Variants in DGKG observed in about 807,000 individuals in gnomAD.
The protein encoded by DGKG is diacylglycerol kinase gamma, also known as DAG kinase gamma.
Under a neutral mutation model 105.3 loss-of-function variants are expected in DGKG, and 78 were observed. The ratio of observed to expected loss-of-function variants is 0.74; its 90% CI spans 0.62 to 0.89. The LOEUF (loss-of-function observed/expected upper bound fraction) is 0.89. DGKG is among the 40% of genes least tolerant of loss of function. DGKG has a pLI of 0.00. For synonymous variants in DGKG, 346 were observed against 367.1 expected (o/e 0.94, Z 0.66); for missense variants, 958 against 1,020.1 (o/e 0.94, Z 0.83).
chr3:186,163,265 C>G (rs79410308), intron 23 of DGKG, among the ~76,000 whole-genome samples: 2,247 of 152,188 alleles, frequency 0.015, 59 homozygotes, highest in African/African-American at 0.052. Context: ...TCAAGCTTCC[C>G]AAAGTGTTGG....
rs1473455664 is a variant in DGKG, at chr3:186,151,502, T to C, written c.2278-1314A>G. Among the ~76,000 whole-genome samples the C allele has an allele frequency of 2.0e-5, 3 of 151,760 alleles. 1 individual carries two copies. Among genetic ancestry groups the C allele is most frequent in the South Asian group, 4.2e-4 (2 of 4,802 alleles). ...TAAAATCTGAAGGAAGGAAAGGAAA[T>C]GTGTTGATGAAAAGGGAGTGGGTAG... On this transcript the variant is annotated intron_variant, in intron 24 of 24. Transcript: ENST00000265022.
At chr3:186,192,298 C>T (rs546695178) in intron 21 of DGKG, among the ~76,000 whole-genome samples, 29 of 152,260 alleles carry the variant, frequency 1.9e-4, no homozygotes, top group Admixed American at 8.5e-4. Flanking sequence ...GGTGAGCCAC[C>T]GGGCCTGGCC....
chr3:186,177,540 G>T (rs983793647), intron 22 of DGKG, among the ~76,000 whole-genome samples: 2 of 152,190 alleles, frequency 1.3e-5, no homozygotes, highest in Non-Finnish European at 2.9e-5. Flanking sequence ...ACTCCATGGT[G>T]CTTGCTCATT....
chr3:186,337,442 AC>A (rs1725883747), intron 1 of DGKG, among the ~76,000 whole-genome samples: 1 of 152,202 alleles, frequency 6.6e-6, no homozygotes, highest in Non-Finnish European at 1.5e-5. Flanking sequence ...ACCTTTAAGC[AC>A]ATCAGAAGGT....
chr3:186,161,899 G>GTT (rs1292102647), intron 23 of DGKG, among the ~76,000 whole-genome samples: 2 of 152,102 alleles, frequency 1.3e-5, no homozygotes, highest in African/African-American at 2.4e-5. Context: ...GTGTGTGTGT[G>GTT]TGTGTGTGTT....
At chr3:186,280,786 C>A in intron 7 of DGKG, 42 bp from the exon 8 acceptor site, 2 of 1,546,704 alleles carry the variant, frequency 1.3e-6, no homozygotes, top group South Asian at 2.2e-5. Context: ...AGGAGACAAC[C>A]AGAGATGTGT....
At chr3:186,310,555 C>T (rs1724491290) in intron 2 of DGKG, among the ~76,000 whole-genome samples, 1 of 152,154 alleles carries the variant, frequency 6.6e-6, no homozygotes, top group African/African-American at 2.4e-5. Flanking sequence ...AGGTATTATG[C>T]ATGACTAATC....
chr3:186,160,582 A>G, intron 24 of DGKG: 2 of 985,420 alleles, frequency 2.0e-6, no homozygotes, highest in Non-Finnish European at 2.4e-6. Flanking sequence ...CAGCAGGTTC[A>G]TGGAAACCTT....
intron 5 of DGKG, among the ~76,000 whole-genome samples, chr3:186,291,052 G>A (rs1394179499): frequency 6.6e-6 from 1 of 152,196 alleles, no homozygotes; most frequent in Non-Finnish European, 1.5e-5. Context: ...GTCCAGTGAA[G>A]CTTAAAAGAT....
intron 10 of DGKG, among the ~76,000 whole-genome samples, chr3:186,272,822 G>A (rs1381823779): frequency 1.3e-5 from 2 of 152,106 alleles, no homozygotes; most frequent in African/African-American, 2.4e-5. Context: ...GGGTTCAAGC[G>A]ATTCTCCTGC....
chr3:186,218,955 C>G (rs985519938), intron 20 of DGKG, among the ~76,000 whole-genome samples: 1 of 151,928 alleles, frequency 6.6e-6, no homozygotes, highest in African/African-American at 2.4e-5. Context: ...CATTGGATTA[C>G]TAAGGTAAAT....
rs539214243 is a variant in DGKG at position 186,275,600 on chromosome 3, T to C, written c.857A>G (p.Asn286Ser). ...GCCCATGAGCATGATATGGCAGAAG[T>C]TGCAGTAGGTTGGTTTCTTGAAGTG... The part of the protein sequence containing the change: ...MKHFKKPTYC[N>S]FCHIMLMGVR... The change falls in exon 10 of 25, where the codon AAC becomes AGC. Residue 286 changes from asparagine (N) to serine (S), a missense_variant. By Grantham distance (46) the Asn-to-Ser change is conservative (BLOSUM62 1). This residue lies in a region of DGKG where 643 missense variants were observed against 619.5 expected (regional missense o/e 1.04). Transcript: ENST00000265022. The C allele has an allele frequency of 1.9e-6, 3 of 1,614,136 alleles. No homozygotes were observed. The Admixed American group carries it at 5.0e-5, about 27-fold the overall frequency.
chr3:186,267,917 CGT>C (rs145318120), intron 12 of DGKG, 140 bp from the exon 13 acceptor site: 2,906 of 680,462 alleles, frequency 4.3e-3, no homozygotes, highest in East Asian at 5.0e-3. Context: ...ACAGTATTGC[CGT>C]GTGTGTGTGT....
chr3:186,254,076 A>T (rs1721347295), intron 17 of DGKG, among the ~76,000 whole-genome samples: 1 of 152,188 alleles, frequency 6.6e-6, no homozygotes, highest in Non-Finnish European at 1.5e-5. Context: ...ACATGTTTTC[A>T]TCTGGCCTCA....
chr3:186,288,059 TCAG>T (rs1443073518), intron 6 of DGKG, among the ~76,000 whole-genome samples: 1 of 152,214 alleles, frequency 6.6e-6, no homozygotes, highest in African/African-American at 2.4e-5. Context: ...GCAGGCTGTT[TCAG>T]CCACTGTGAA....
At chr3:186,192,586 A>G (rs1283978701) in intron 21 of DGKG, among the ~76,000 whole-genome samples, 1 of 152,152 alleles carries the variant, frequency 6.6e-6, no homozygotes, top group Non-Finnish European at 1.5e-5. Flanking sequence ...TTAGGGGTTA[A>G]GATGCTTGCT....
Position 186,150,187 on chromosome 3 carries a change from A to T in DGKG, c.2279T>A (p.Ile760Asn). Reference protein sequence around the residue: ...GEPWMQPCCTIKITHKNQAPM... With the variant: ...GEPWMQPCCTNKITHKNQAPM... ...CGCTTGGTTCTTGTGAGTAATTTTA[A>T]TCTAAAAGCAAAGAGGCAGAAATGA... is the stretch of plus-strand genomic sequence containing the variant. The change falls in exon 25 of 25, where the codon ATT becomes AAT. Residue 760 changes from isoleucine (I) to asparagine (N), a missense_variant and splice_region_variant. This residue lies in a region of DGKG where 315 missense variants were observed against 400.6 expected (regional missense o/e 0.79). Transcript: ENST00000265022. 1 of 1,610,484 alleles carries T rather than the reference A, an allele frequency of 6.2e-7. No individual in the cohort carries two copies. Among genetic ancestry groups the T allele is most frequent in the Non-Finnish European group, 8.5e-7 (1 of 1,178,038 alleles).
intron 21 of DGKG, chr3:186,207,521 C>A (rs1718804330): frequency 2.0e-6 from 2 of 984,798 alleles, no homozygotes; most frequent in Admixed American, 6.1e-5. Context: ...AGCACCACTG[C>A]CAGTTACATA....
intron 20 of DGKG, among the ~76,000 whole-genome samples, chr3:186,213,307 C>A (rs573188518): frequency 6.6e-6 from 1 of 152,360 alleles, no homozygotes; most frequent in South Asian, 2.1e-4. Context: ...TCTCCTCAGC[C>A]TGCAGAGCAG....
Sources: allele counts gnomAD v4.1 joint callset (sites outside exome capture counted in the v4.1 genomes callset), GRCh38; gene constraint gnomAD v4.1.1; regional missense constraint gnomAD v4.1.1; transcripts MANE v1.5; gene names NCBI Gene and HGNC (gene_info 2026-07-23, HGNC 2026-07-21).